COL16A1: variants seen among roughly 807,000 people sequenced by gnomAD.
The protein encoded by COL16A1 is collagen alpha-1(XVI) chain.
In COL16A1, 189 loss-of-function variants were observed where a neutral mutation model predicts 266.3. That is an observed-to-expected ratio of 0.71 (90% CI 0.63 to 0.80). The LOEUF (loss-of-function observed/expected upper bound fraction) is 0.80. COL16A1 is among the 30% of genes least tolerant of loss of function. COL16A1 has a pLI of 0.00. For synonymous variants in COL16A1, 740 were observed against 782.3 expected (o/e 0.95, Z 0.90); for missense variants, 1,928 against 2,122.4 (o/e 0.91, Z 1.80).
rs1243941439 is a variant in COL16A1 at position 31,692,585 on chromosome 1, G to A, written c.1158+13C>T. 6.2e-7 allele frequency: 1 copy of A among 1,613,988 alleles called. No homozygotes were observed. Among genetic ancestry groups the A allele is most frequent in the African/African-American group, 1.3e-5 (1 of 74,892 alleles). ...ACCCACCATCCCTGCCCTATCCCTG[G>A]TCCCACACTCACCAGAGCTCCTGAC... On this transcript the variant is annotated intron_variant, in intron 15 of 70. Transcript: ENST00000373672.
chr1:31,655,410 C>T lies in COL16A1; in HGVS notation c.4194G>A (p.Gly1398=). Residue 1398 remains glycine, a synonymous_variant, in exon 67 of 71, where the codon GGG becomes GGA. Transcript: ENST00000373672. ...CTGCAGGGCCCGGTGGCCCAACAGG[C>T]CCCATGGAACCACTCTTGCCAGGTC... The part of the protein sequence containing the change: ...PGGPGKSGSM[G]PVGPPGPAGE... 1 of 1,614,146 alleles carries T rather than the reference C, an allele frequency of 6.2e-7. No individual in the cohort carries two copies. The highest frequency in any genetic ancestry group is 2.2e-5 in the East Asian group (1 of 44,868).
In COL16A1 at chr1:31,667,560, G is replaced by A. The variant is rs965474031; in HGVS notation, c.3357+15C>T. Reference sequence around the variant, plus strand: ...CGTGCAGCCCTGCATCCAGCCCCACGCCGCTGGGACTCACCGGCTCTCCTT... The same window carrying A: ...CGTGCAGCCCTGCATCCAGCCCCACACCGCTGGGACTCACCGGCTCTCCTT... On this transcript the variant is annotated intron_variant, in intron 52 of 70. Transcript: ENST00000373672. 18 of 1,585,014 alleles carry A rather than the reference G, an allele frequency of 1.1e-5. No individual in the cohort carries two copies. The highest frequency in any genetic ancestry group is 6.7e-5 in the African/African-American group (5 of 74,272).
At chr1:31,666,782 C>A (rs935320042) in intron 52 of COL16A1, among the ~76,000 whole-genome samples, 1 of 152,152 alleles carries the variant, frequency 6.6e-6, no homozygotes, top group Non-Finnish European at 1.5e-5. Context: ...GGCCTTCCTG[C>A]CCCTCCGCTT....
At position 31,656,823 on chromosome 1, in the gene COL16A1, TAAAAAA is replaced by T. The variant is rs58530152; in HGVS notation, c.4056+204_4056+209del. ...TTTCTTTTTGACCAGGTACAGGGTT[TAAAAAA>T]AAAAAAAAAAAGGTAAAACAAATCT... On this transcript the variant is annotated intron_variant, in intron 65 of 70. Transcript: ENST00000373672. The surrounding 1 kb of genome is among the most constrained non-coding windows in gnomAD (Gnocchi z 4.2). 3.1e-5 allele frequency: 15 copies of T among 480,420 alleles called. No individual in the cohort carries two copies. The South Asian group carries it at 3.8e-4, about 12-fold the overall frequency. 29.8% of individuals were successfully genotyped at this position (480,420 alleles called of 1,614,324 possible). A position where few individuals can be genotyped will look rare whatever the true frequency, so the allele number is the denominator to read the frequency against.
intron 63 of COL16A1, 68 bp downstream of exon 63, chr1:31,658,846 G>T: frequency 6.6e-7 from 1 of 1,525,400 alleles, no homozygotes; most frequent in South Asian, 1.2e-5. Flanking sequence ...AGCTTCCTCT[G>T]AATGGAGCCC....
Position 31,698,617 on chromosome 1 carries a change from A to T in COL16A1, c.267-11T>A, listed in dbSNP as rs778574946. On this transcript the variant is annotated splice_polypyrimidine_tract_variant and intron_variant, in intron 4 of 70. Transcript: ENST00000373672. This position sits in a 1 kb window ranked among gnomAD's most constrained non-coding sequence, Gnocchi z 4.1. ...CGAGGGAATACTCTTCTGGAGATGG[A>T]GCAGGGAGGGTGCCCTGAGGCTCCA... The T allele has an allele frequency of 6.2e-7, 1 of 1,613,328 alleles. No individual in the cohort carries two copies. The highest frequency in any genetic ancestry group is 8.5e-7 in the Non-Finnish European group (1 of 1,179,872).
At chr1:31,676,567 A>G (rs986612376) in intron 42 of COL16A1, among the ~76,000 whole-genome samples, 3 of 152,150 alleles carry the variant, frequency 2.0e-5, no homozygotes, top group African/African-American at 7.2e-5. Flanking sequence ...ACTTTTGGCA[A>G]TTTATTTGGG....
chr1:31,683,116 GC>G (rs1317864427), intron 36 of COL16A1, 77 bp downstream of exon 36: 1 of 1,609,294 alleles, frequency 6.2e-7, no homozygotes, highest in Admixed American at 1.7e-5. Flanking sequence ...GCATCACTTG[GC>G]CCCCATGTCC....
chr1:31,682,475 G>A (rs1643716144), intron 37 of COL16A1, among the ~76,000 whole-genome samples: 1 of 152,176 alleles, frequency 6.6e-6, no homozygotes, highest in Admixed American at 6.5e-5. Flanking sequence ...AGCCACCTGT[G>A]GTTGTGCAGA....
In COL16A1 at chr1:31,689,043, C is replaced by T. The variant is rs1644130416; in HGVS notation, c.1656+7G>A. On this transcript the variant is annotated splice_region_variant and intron_variant, in intron 24 of 70. Transcript: ENST00000373672. The stretch of plus-strand genomic sequence containing the variant: ...GGAGGGCAGCCAGGAGAGCAGGGTT[C>T]CCTCACCTTCTCTCCTTTGATGCCT... The T allele has an allele frequency of 6.2e-7, 1 of 1,613,750 alleles. No homozygotes were observed. The highest frequency in any genetic ancestry group is 8.5e-7 in the Non-Finnish European group (1 of 1,179,986).
At chr1:31,673,782 C>T (rs1642947493) in intron 44 of COL16A1, among the ~76,000 whole-genome samples, 1 of 152,258 alleles carries the variant, frequency 6.6e-6, no homozygotes, top group African/African-American at 2.4e-5. Flanking sequence ...AGCCAGTGCT[C>T]TCTCCCCAGG....
chr1:31,674,809 C>T (rs1643039960), intron 44 of COL16A1, among the ~76,000 whole-genome samples, 198 bp downstream of exon 44: 1 of 152,204 alleles, frequency 6.6e-6, no homozygotes, highest in Non-Finnish European at 1.5e-5. Context: ...CCTTTAAGCA[C>T]TCATTCAGCA....
rs770597138 is a variant in COL16A1, at chr1:31,688,978, AAAG to A, written c.1657-10_1657-8del. ...AGGACAAGCAGGGCTCCCCCTGGGG[AAAG>A]AAGAGGAAGGATCAGAAATGCTTCC... On this transcript the variant is annotated splice_polypyrimidine_tract_variant and splice_region_variant and intron_variant, in intron 24 of 70. Transcript: ENST00000373672. This position sits in a 1 kb window ranked among gnomAD's most constrained non-coding sequence, Gnocchi z 4.9. 1 of 1,613,928 alleles carries A rather than the reference AAAG, an allele frequency of 6.2e-7. No individual in the cohort carries two copies. Among genetic ancestry groups the A allele is most frequent in the Non-Finnish European group, 8.5e-7 (1 of 1,179,988 alleles).
chr1:31,659,648 C>A (rs955795084), intron 62 of COL16A1: 1 of 152,614 alleles, frequency 6.6e-6, no homozygotes, highest in Non-Finnish European at 1.5e-5. Flanking sequence ...CCCTCAACAC[C>A]CCCAGGTGGC....
intron 12 of COL16A1, among the ~76,000 whole-genome samples, chr1:31,693,726 G>A (rs757317366): frequency 9.9e-5 from 15 of 152,150 alleles, no homozygotes; most frequent in East Asian, 1.9e-4. Flanking sequence ...TCCAGCCTTC[G>A]TGTGCCACAC....
chr1:31,680,865 T>C, intron 39 of COL16A1, 40 bp downstream of exon 39: 2 of 1,614,006 alleles, frequency 1.2e-6, no homozygotes. Flanking sequence ...GAGGGGCTGC[T>C]AATCCCCTAG....
intron 44 of COL16A1, 34 bp downstream of exon 44, chr1:31,674,973 C>T: frequency 6.2e-7 from 1 of 1,608,258 alleles, no homozygotes; most frequent in Non-Finnish European, 8.5e-7. Context: ...GACACCCCCG[C>T]CAGCTCACAC....
In COL16A1 at chr1:31,656,595, G is replaced by T; in HGVS notation, c.4057-151C>A. 7.9e-7 allele frequency: 1 copy of T among 1,271,170 alleles called. No individual in the cohort carries two copies. The highest frequency in any genetic ancestry group is 1.6e-5 in the South Asian group (1 of 64,108). The allele number at this position is 1,271,170 out of a possible 1,614,324, so 78.7% of individuals were successfully genotyped here. Reference sequence around the variant, plus strand: ...TGTGAGAAAGGAGCGCAGCCTCCCTGCCCAGCTGGAAGGGAAAATAATGTC... The same window carrying T: ...TGTGAGAAAGGAGCGCAGCCTCCCTTCCCAGCTGGAAGGGAAAATAATGTC... On this transcript the variant is annotated intron_variant, in intron 65 of 70. Transcript: ENST00000373672. This position sits in a 1 kb window ranked among gnomAD's most constrained non-coding sequence, Gnocchi z 4.2.
chr1:31,672,917 G>GCC, intron 44 of COL16A1, 77 bp from the exon 45 acceptor site: 1 of 1,378,258 alleles, frequency 7.3e-7, no homozygotes, highest in Non-Finnish European at 1.0e-6. Flanking sequence ...GCCCCAGTGA[G>GCC]AACCCAGAGC....
Sources: allele counts gnomAD v4.1 joint callset (sites outside exome capture counted in the v4.1 genomes callset), GRCh38; gene constraint gnomAD v4.1.1; non-coding constraint Gnocchi (gnomAD v3.1); transcripts MANE v1.5; gene names NCBI Gene and HGNC (gene_info 2026-07-23, HGNC 2026-07-21).